HTT: variants seen among roughly 807,000 people sequenced by gnomAD.
HTT encodes the protein huntington disease protein.
HTT carries 104 observed loss-of-function variants against 362.3 expected under a neutral mutation model. The ratio of observed to expected loss-of-function variants is 0.29; its 90% CI spans 0.24 to 0.34. The LOEUF (loss-of-function observed/expected upper bound fraction) is 0.34. HTT is among the 10% of genes least tolerant of loss of function. HTT has a pLI of 1.00. For synonymous variants in HTT, 1,577 were observed against 1,548.7 expected, an observed-to-expected ratio of 1.02 and a Z score of -0.43; for missense variants, 3,301 against 3,928.6, an observed-to-expected ratio of 0.84 and a Z score of 4.27.
intron 49 of HTT, 132 bp downstream of exon 49, chr4:3,212,841 C>A: frequency 1.1e-6 from 1 of 925,766 alleles, no homozygotes. Context: ...CTCAGCCTGG[C>A]AGTAAGTCTT....
chr4:3,233,849 A>T (rs1721384508), intron 61 of HTT, among the ~76,000 whole-genome samples: 2 of 152,204 alleles, frequency 1.3e-5, no homozygotes, highest in African/African-American at 4.8e-5. Context: ...CGAGCAAGTC[A>T]AGCTCTTCAC....
chr4:3,237,168 G>A (rs527715562), intron 64 of HTT, among the ~76,000 whole-genome samples: 1 of 152,024 alleles, frequency 6.6e-6, no homozygotes, highest in South Asian at 2.1e-4. Context: ...CCGCCTCCCG[G>A]GTTCAAGTGA....
intron 44 of HTT, 142 bp from the exon 45 acceptor site, chr4:3,207,139 G>T: frequency 1.9e-6 from 2 of 1,029,428 alleles, no homozygotes; most frequent in Non-Finnish European, 2.9e-6. Flanking sequence ...TCGTGTGTCC[G>T]ATCTGACTGT....
At chr4:3,176,298 A>T (rs945235987) in intron 33 of HTT, among the ~76,000 whole-genome samples, 5 of 152,076 alleles carry the variant, frequency 3.3e-5, no homozygotes, top group African/African-American at 1.2e-4. Context: ...AAGTGCTGGG[A>T]TGACAGGCGT....
At chr4:3,120,954 GT>G (rs1263863436) in intron 8 of HTT, among the ~76,000 whole-genome samples, 1 of 152,132 alleles carries the variant, frequency 6.6e-6, no homozygotes, top group Non-Finnish European at 1.5e-5. Flanking sequence ...CTAGTCACCA[GT>G]TTTGGGAAAT....
chr4:3,151,057 A>AC (rs1553915305), intron 26 of HTT, among the ~76,000 whole-genome samples: 22 of 151,298 alleles, frequency 1.5e-4, no homozygotes, highest in African/African-American at 5.1e-4. Context: ...AACAAAACAA[A>AC]AAAAAAAAAA....
intron 6 of HTT, among the ~76,000 whole-genome samples, chr4:3,110,738 G>A (rs928683164): frequency 6.6e-6 from 1 of 152,114 alleles, no homozygotes; most frequent in African/African-American, 2.4e-5. Flanking sequence ...ACCTATGAAT[G>A]TACTTTTCTT....
chr4:3,084,198 CTTTTTTTT>C lies in HTT; in HGVS notation c.264-2725_264-2718del, dbSNP rs4038024. On this transcript the variant is annotated intron_variant, in intron 1 of 66. Transcript: ENST00000355072. Reference sequence around the variant, plus strand: ...AATACTTGTAATGGAAATGCTTTGTCTTTTTTTTTTTTTTTTTTTTTTTGGCGACAGAG... The same window carrying C: ...AATACTTGTAATGGAAATGCTTTGTCTTTTTTTTTTTTTTTGGCGACAGAG... Among the ~76,000 whole-genome samples the C allele has an allele frequency of 6.1e-5, 5 of 81,946 alleles. No homozygotes were observed. The East Asian group carries it at 1.1e-3, about 18-fold the overall frequency. The allele number at this position is 81,946 out of a possible 152,430, so 53.8% of individuals were successfully genotyped here. A position where few individuals can be genotyped will look rare whatever the true frequency, so the allele number is the denominator to read the frequency against.
At chr4:3,137,245 G>A (rs1270021987) in intron 21 of HTT, among the ~76,000 whole-genome samples, 2 of 152,080 alleles carry the variant, frequency 1.3e-5, no homozygotes, top group African/African-American at 4.8e-5. Context: ...TAGCTTTATG[G>A]AGGTTATAAT....
chr4:3,174,947 A>C lies in HTT; in HGVS notation c.4247A>C (p.Asn1416Thr). 6.3e-7 allele frequency: 1 copy of C among 1,587,552 alleles called. No individual in the cohort carries two copies. Among genetic ancestry groups the C allele is most frequent in the Non-Finnish European group, 8.6e-7 (1 of 1,163,420 alleles). The change falls in exon 33 of 67, where the codon AAT becomes ACT. Residue 1416 changes from asparagine (N) to threonine (T), a missense_variant and splice_region_variant. Around this residue, in one of 4 missense-constraint regions of HTT, gnomAD observed 2,316 missense variants for 2,658.5 expected, o/e 0.87. Coordinates refer to ENST00000355072, the MANE Select transcript of HTT (RefSeq NM_001388492.1). ...TSVTKNRADKNAIHNHIRLFE... is the reference protein window; with the variant it reads ...TSVTKNRADKTAIHNHIRLFE... ...TCTTTCTTTTTTTCTTTTTTATAGAATGCTATTCATAATCACATTCGTTTG... is the reference window on the plus strand; with the variant it reads ...TCTTTCTTTTTTTCTTTTTTATAGACTGCTATTCATAATCACATTCGTTTG...
Position 3,172,335 on chromosome 4 carries a change from C to T in HTT, c.3880C>T (p.Leu1294=), listed in dbSNP as rs1578558769. The change falls in exon 30 of 67, where the codon CTA becomes TTA. Residue 1294 remains leucine, a synonymous_variant. Coordinates refer to ENST00000355072, the MANE Select transcript of HTT (RefSeq NM_001388492.1). ...QDIGKCVEEI[L]GYLKSCFSRE... ...CTTTCTACAGTGTGTTGAAGAGATC[C>T]TAGGATACCTGAAATCCTGCTTTAG... 1.2e-6 allele frequency: 2 copies of T among 1,605,108 alleles called. No individual in the cohort carries two copies. The highest frequency in any genetic ancestry group is 1.7e-6 in the Non-Finnish European group (2 of 1,171,922).
intron 22 of HTT, among the ~76,000 whole-genome samples, chr4:3,141,723 T>G (rs995276146): frequency 6.6e-6 from 1 of 152,100 alleles, no homozygotes; most frequent in African/African-American, 2.4e-5. Context: ...GATTGTGCCA[T>G]TGCACTCCCA....
At chr4:3,128,812 G>A (rs575637335) in intron 12 of HTT, 7 of 151,956 alleles carry the variant, frequency 4.6e-5, no homozygotes, top group Non-Finnish European at 7.4e-5. Flanking sequence ...CATTTTTTGC[G>A]TATACAGTTC....
chr4:3,233,529 T>G (rs1721364565), intron 61 of HTT, among the ~76,000 whole-genome samples, 176 bp downstream of exon 61: 1 of 152,208 alleles, frequency 6.6e-6, no homozygotes, highest in African/African-American at 2.4e-5. Flanking sequence ...AGGTGCGTCC[T>G]AGAGGCTTCC....
intron 57 of HTT, among the ~76,000 whole-genome samples, 173 bp downstream of exon 57, chr4:3,225,916 G>A (rs930209224): frequency 4.6e-5 from 7 of 151,930 alleles, no homozygotes; most frequent in Non-Finnish European, 7.4e-5. Context: ...CCTAGGTCCC[G>A]CAAGCAGAGG....
intron 40 of HTT, among the ~76,000 whole-genome samples, 199 bp from the exon 41 acceptor site, chr4:3,199,533 T>A (rs1719429149): frequency 6.8e-6 from 1 of 146,406 alleles, no homozygotes; most frequent in Non-Finnish European, 1.5e-5. Context: ...AGAGCAAAAC[T>A]CTATCTCAAA....
At chr4:3,137,180 A>C (rs1280879542) in intron 21 of HTT, among the ~76,000 whole-genome samples, 1 of 151,946 alleles carries the variant, frequency 6.6e-6, no homozygotes, top group Non-Finnish European at 1.5e-5. Context: ...TGCTGGGATT[A>C]CAGGCGTGAG....
intron 44 of HTT, 80 bp downstream of exon 44, chr4:3,207,063 T>G (rs1719891409): frequency 8.0e-6 from 11 of 1,369,372 alleles, no homozygotes; most frequent in Non-Finnish European, 1.1e-5. Context: ...GGCTTTTTCC[T>G]CCGTAAGTAT....
At chr4:3,087,872 C>T (rs1252672029) in intron 2 of HTT, among the ~76,000 whole-genome samples, 7 of 151,946 alleles carry the variant, frequency 4.6e-5, no homozygotes, top group South Asian at 2.1e-4. Flanking sequence ...TTTTTTGAGA[C>T]GGAGTTTCAC....
Sources: gnomAD v4.1 joint callset for allele counts (sites outside exome capture counted in the v4.1 genomes callset) on GRCh38, gnomAD v4.1.1 for gene constraint, gnomAD v4.1.1 regional missense constraint, MANE v1.5 for transcripts, NCBI Gene and HGNC (gene_info 2026-07-23, HGNC 2026-07-21) for gene names.